EIF2B3: variants seen among roughly 807,000 people sequenced by gnomAD.
EIF2B3 encodes the protein eukaryotic translation initiation factor 2B subunit gamma, also known as translation initiation factor eIF2B subunit gamma.
A neutral mutation model predicts 54.1 loss-of-function variants in EIF2B3; 20 were observed. That is an observed-to-expected ratio of 0.37 (90% CI 0.26 to 0.54). The LOEUF (loss-of-function observed/expected upper bound fraction) is 0.54. Ranked by LOEUF, EIF2B3 falls within the 20% of genes least tolerant of loss-of-function variation. The pLI is 0.86. For synonymous variants in EIF2B3, 153 were observed against 188.1 expected (o/e 0.81, Z 1.52); for missense variants, 448 against 547.8 (o/e 0.82, Z 1.82).
At chr1:44,856,326 G>C (rs1654433983) in intron 11 of EIF2B3, among the ~76,000 whole-genome samples, 1 of 151,694 alleles carries the variant, frequency 6.6e-6, no homozygotes, top group African/African-American at 2.4e-5. Context: ...ACCAGCCTGG[G>C]TGACATTGCA....
chr1:44,947,270 C>G (rs1215385223), intron 3 of EIF2B3, among the ~76,000 whole-genome samples: 1 of 152,162 alleles, frequency 6.6e-6, no homozygotes, highest in African/African-American at 2.4e-5. Flanking sequence ...CAAGGGAAGG[C>G]AGCACTTTAG....
chr1:44,944,779 C>T (rs1003494428), intron 3 of EIF2B3, among the ~76,000 whole-genome samples: 14 of 151,970 alleles, frequency 9.2e-5, no homozygotes, highest in African/African-American at 3.1e-4. Context: ...TAGTGAGCTA[C>T]AATTACTCCA....
chr1:44,986,280 G>C (rs1644576622), intron 1 of EIF2B3, among the ~76,000 whole-genome samples: 1 of 151,902 alleles, frequency 6.6e-6, no homozygotes, highest in African/African-American at 2.4e-5. Flanking sequence ...GCTGAGATTA[G>C]AAACTTAGTT....
At chr1:44,866,201 A>C (rs567755301) in intron 10 of EIF2B3, among the ~76,000 whole-genome samples, 2 of 152,096 alleles carry the variant, frequency 1.3e-5, no homozygotes, top group East Asian at 3.9e-4. Context: ...ATTTGAGACC[A>C]GCCTGGCCAG....
At chr1:44,897,011 C>G (rs988964955) in intron 6 of EIF2B3, among the ~76,000 whole-genome samples, 1 of 152,144 alleles carries the variant, frequency 6.6e-6, no homozygotes, top group African/African-American at 2.4e-5. Context: ...TAATTAGAGA[C>G]AAACAGCATA....
chr1:44,944,967 G>C (rs867480389), intron 3 of EIF2B3, among the ~76,000 whole-genome samples: 22 of 151,868 alleles, frequency 1.4e-4, no homozygotes, highest in African/African-American at 5.3e-4. Context: ...TCCTGGTTTG[G>C]GTGGGAAAAT....
intron 3 of EIF2B3, among the ~76,000 whole-genome samples, chr1:44,944,587 G>GT (rs1359355298): frequency 6.6e-5 from 10 of 151,868 alleles, no homozygotes; most frequent in Non-Finnish European, 1.3e-4. Context: ...GAGGCCAGGA[G>GT]TTTGAGGCCA....
At position 44,926,721 on chromosome 1, in the gene EIF2B3, A is replaced by G. The variant is rs1162725437; in HGVS notation, c.473T>C (p.Ile158Thr). The G allele has an allele frequency of 3.1e-6, 5 of 1,613,740 alleles. No homozygotes were observed. Among genetic ancestry groups the G allele is most frequent in the Middle Eastern group, 1.6e-4 (1 of 6,062 alleles). Residue 158 changes from isoleucine to threonine, a missense_variant, in exon 5 of 12, where the codon ATT becomes ACT. This residue lies in a region of EIF2B3 where 350 missense variants were observed against 414.2 expected (regional missense o/e 0.85). Coordinates refer to ENST00000360403, the MANE Select transcript of EIF2B3 (RefSeq NM_020365.5). ...CCTCTTTCCTGTGCTGTCCACTCCA[A>G]TGAAGTCACGCTGCTCCACTGAATC... is the stretch of plus-strand genomic sequence containing the variant. Reference protein sequence around the residue: ...KKKAVEQRDFIGVDSTGKRLL... With the variant: ...KKKAVEQRDFTGVDSTGKRLL...
intron 3 of EIF2B3, among the ~76,000 whole-genome samples, chr1:44,949,003 G>T (rs1343626502): frequency 6.6e-6 from 1 of 152,056 alleles, no homozygotes; most frequent in Non-Finnish European, 1.5e-5. Context: ...CAAGTAGCTG[G>T]GATTACAGGT....
intron 10 of EIF2B3, among the ~76,000 whole-genome samples, chr1:44,866,357 C>T (rs1249252562): frequency 6.7e-6 from 1 of 149,526 alleles, no homozygotes; most frequent in East Asian, 2.0e-4. Flanking sequence ...GAGATTGTGC[C>T]ATTGCACTCC....
intron 11 of EIF2B3, among the ~76,000 whole-genome samples, chr1:44,857,497 C>T (rs1475142911): frequency 1.3e-5 from 2 of 151,006 alleles, no homozygotes; most frequent in Non-Finnish European, 2.9e-5. Context: ...CACCATTGCA[C>T]ACCAGCCTGG....
chr1:44,972,160 G>A (rs1457500188), intron 3 of EIF2B3, among the ~76,000 whole-genome samples: 1 of 151,778 alleles, frequency 6.6e-6, no homozygotes, highest in Admixed American at 6.6e-5. Context: ...AGGCCAAGGT[G>A]GAGGATCACT....
intron 3 of EIF2B3, among the ~76,000 whole-genome samples, chr1:44,955,122 C>G (rs1450523810): frequency 6.6e-6 from 1 of 152,112 alleles, no homozygotes; most frequent in Non-Finnish European, 1.5e-5. Flanking sequence ...TCAAACTATA[C>G]TACAAGGCTA....
At chr1:44,965,887 G>A (rs988667880) in intron 3 of EIF2B3, among the ~76,000 whole-genome samples, 1 of 151,838 alleles carries the variant, frequency 6.6e-6, no homozygotes, top group African/African-American at 2.4e-5. Context: ...TGATACACCC[G>A]CCTCAGCCTC....
In EIF2B3 at chr1:44,952,268, T is replaced by C. The variant is rs574792241; in HGVS notation, c.295-10603A>G. Among the ~76,000 whole-genome samples, 3 of 147,572 alleles carry C rather than the reference T, an allele frequency of 2.0e-5. 1 individual carries two copies. In the South Asian group the frequency reaches 6.5e-4, roughly 32 times the overall value. On this transcript the variant is annotated intron_variant, in intron 3 of 11. Coordinates refer to ENST00000360403, the MANE Select transcript of EIF2B3 (RefSeq NM_020365.5). Reference sequence around the variant, plus strand: ...GTGAGCCACCGCGCCCGGCCCTAATTTTTGCATTTTTAGTAGAGATGGGGT... The same window carrying C: ...GTGAGCCACCGCGCCCGGCCCTAATCTTTGCATTTTTAGTAGAGATGGGGT...
chr1:44,889,233 T>G (rs1655711482), intron 6 of EIF2B3, among the ~76,000 whole-genome samples: 1 of 152,226 alleles, frequency 6.6e-6, no homozygotes, highest in African/African-American at 2.4e-5. Flanking sequence ...AATTTAAAAG[T>G]GCTTTTTAAA....
At chr1:44,955,464 C>T (rs983481948) in intron 3 of EIF2B3, among the ~76,000 whole-genome samples, 4 of 152,026 alleles carry the variant, frequency 2.6e-5, no homozygotes, top group Admixed American at 2.0e-4. Flanking sequence ...GGCAAAGACT[C>T]CACGACTAAA....
At chr1:44,888,895 T>C (rs965897232) in intron 6 of EIF2B3, among the ~76,000 whole-genome samples, 3 of 152,202 alleles carry the variant, frequency 2.0e-5, no homozygotes, top group Non-Finnish European at 2.9e-5. Flanking sequence ...CTCTAAAAAT[T>C]ATCTTGAGTA....
chr1:44,896,670 T>C (rs1309832689), intron 6 of EIF2B3, among the ~76,000 whole-genome samples: 1 of 152,210 alleles, frequency 6.6e-6, no homozygotes, highest in Non-Finnish European at 1.5e-5. Context: ...TTATTAAATC[T>C]TTTTCCACCT....
Sources: allele counts gnomAD v4.1 joint callset (sites outside exome capture counted in the v4.1 genomes callset), GRCh38; gene constraint gnomAD v4.1.1; regional missense constraint gnomAD v4.1.1; transcripts MANE v1.5; gene names NCBI Gene and HGNC (gene_info 2026-07-23, HGNC 2026-07-21).